DTNB: variants seen among roughly 807,000 people sequenced by gnomAD.
The protein encoded by DTNB is dystrobrevin beta, also known as DTN-B.
A neutral mutation model predicts 90.7 loss-of-function variants in DTNB; 63 were observed. That is an observed-to-expected ratio of 0.69 (90% CI 0.57 to 0.86). DTNB has a LOEUF of 0.86. DTNB is among the 40% of genes least tolerant of loss of function. The probability of loss-of-function intolerance (pLI) is 0.00; values close to 1 mark genes in which losing one functional copy is unlikely to be tolerated. For synonymous variants in DTNB, 277 were observed against 286.7 expected (o/e 0.97, Z 0.34); for missense variants, 744 against 807.1 (o/e 0.92, Z 0.95).
At chr2:25,444,961 G>A (rs1297464320) in intron 12 of DTNB, among the ~76,000 whole-genome samples, 2 of 151,996 alleles carry the variant, frequency 1.3e-5, no homozygotes, top group African/African-American at 4.8e-5. Flanking sequence ...AAGATGAAAG[G>A]GCCCAAACAT....
chr2:25,467,321 CAG>C (rs2061980957), intron 10 of DTNB, among the ~76,000 whole-genome samples: 2 of 131,784 alleles, frequency 1.5e-5, no homozygotes, highest in Non-Finnish European at 3.1e-5. Flanking sequence ...TTTTTTGAGA[CAG>C]AGTCTCACTC....
At chr2:25,445,300 T>C (rs1231702781) in intron 12 of DTNB, among the ~76,000 whole-genome samples, 4 of 152,248 alleles carry the variant, frequency 2.6e-5, no homozygotes, top group African/African-American at 9.6e-5. Context: ...ACTAACCAAA[T>C]AGCACTTTTC....
At position 25,533,105 on chromosome 2, in the gene DTNB, C is replaced by T. The variant is rs186846160; in HGVS notation, c.877-1508G>A. Among the ~76,000 whole-genome samples, 694 of 152,196 alleles carry T rather than the reference C, an allele frequency of 4.6e-3. 4 individuals carry two copies. Among genetic ancestry groups the T allele is most frequent in the Non-Finnish European group, 6.1e-3 (412 of 68,010 alleles). On this transcript the variant is annotated intron_variant, in intron 8 of 20. Transcript: ENST00000406818. ...TTGGGAGGCAGAGGCGGGTGCATCTCTTGAGCCCAGGAGTTTGAGATCAGC... is the reference window on the plus strand; with the variant it reads ...TTGGGAGGCAGAGGCGGGTGCATCTTTTGAGCCCAGGAGTTTGAGATCAGC...
chr2:25,458,544 A>G (rs2060422457), intron 10 of DTNB, among the ~76,000 whole-genome samples: 1 of 150,050 alleles, frequency 6.7e-6, no homozygotes, highest in South Asian at 2.1e-4. Context: ...TCATGGATCA[A>G]TGCAGCCTCA....
At chr2:25,637,413 G>GA (rs1339373486) in intron 3 of DTNB, among the ~76,000 whole-genome samples, 1 of 152,168 alleles carries the variant, frequency 6.6e-6, no homozygotes, top group East Asian at 1.9e-4. Flanking sequence ...CCATCAGAGT[G>GA]AACAGGCAAT....
chr2:25,639,827 T>A (rs571150854), intron 2 of DTNB, among the ~76,000 whole-genome samples: 2 of 152,296 alleles, frequency 1.3e-5, no homozygotes, highest in South Asian at 4.1e-4. Flanking sequence ...TCTTCCGGGA[T>A]GCTTGTGCTG....
intron 12 of DTNB, among the ~76,000 whole-genome samples, chr2:25,448,597 G>A (rs1476174250): frequency 1.3e-5 from 2 of 152,148 alleles, no homozygotes; most frequent in African/African-American, 4.8e-5. Flanking sequence ...GCTCACGCCT[G>A]TAATCCCAGC....
At chr2:25,526,378 TATATATATATATATATA>T (rs1270420956) in intron 9 of DTNB, among the ~76,000 whole-genome samples, 11 of 51,242 alleles carry the variant, frequency 2.1e-4, no homozygotes, top group African/African-American at 1.3e-3. Context: ...TATATATATA[TATATATATATATATATA>T]TTTTTTTTTT....
chr2:25,378,488 T>C (rs1011146498), intron 20 of DTNB, among the ~76,000 whole-genome samples: 2 of 150,336 alleles, frequency 1.3e-5, no homozygotes, highest in Admixed American at 1.3e-4. Flanking sequence ...CTTGGGAGGG[T>C]CTGAAAAAAC....
chr2:25,385,944 G>T (rs968184683), intron 18 of DTNB: 1 of 907,696 alleles, frequency 1.1e-6, no homozygotes, highest in Non-Finnish European at 1.3e-6. Flanking sequence ...CCCATGGCCC[G>T]AAATTCCCTG....
rs374398348 is a variant in DTNB, at chr2:25,379,351, ACT to A, written c.1880-30_1880-29del. ...GTGGCAGCATGGGCAGAAACAACAC[ACT>A]GAGGTCACGGCCAGGTCTTCTCATG... is the stretch of plus-strand genomic sequence containing the variant. On this transcript the variant is annotated intron_variant, in intron 19 of 20. Transcript: ENST00000406818. 2.1e-4 allele frequency: 276 copies of A among 1,312,246 alleles called. 2 individuals are homozygous for A. In the South Asian group the frequency reaches 7.9e-3, roughly 37 times the overall value. The allele number at this position is 1,312,246 out of a possible 1,614,324, so 81.3% of individuals were successfully genotyped here.
At chr2:25,585,510 TCCA>T (rs1422030329) in intron 6 of DTNB, among the ~76,000 whole-genome samples, 7 of 152,130 alleles carry the variant, frequency 4.6e-5, no homozygotes, top group Non-Finnish European at 8.8e-5. Context: ...CTTCCCTTCC[TCCA>T]CCCTTGACTA....
chr2:25,563,957 G>A (rs1298726098), intron 8 of DTNB, among the ~76,000 whole-genome samples: 1 of 152,086 alleles, frequency 6.6e-6, no homozygotes, highest in African/African-American at 2.4e-5. Flanking sequence ...GAGTGCAGTG[G>A]TGCGTGCGAT....
chr2:25,456,334 A>G (rs1368145714), intron 10 of DTNB, among the ~76,000 whole-genome samples: 2 of 152,190 alleles, frequency 1.3e-5, no homozygotes, highest in African/African-American at 4.8e-5. Context: ...GGAATACTTG[A>G]GCCTGTACAT....
intron 16 of DTNB, among the ~76,000 whole-genome samples, chr2:25,402,251 CACG>C (rs2043923536): frequency 6.6e-6 from 1 of 152,038 alleles, no homozygotes; most frequent in Non-Finnish European, 1.5e-5. Context: ...AACCGCCTCA[CACG>C]ACAAGAGTTA....
In DTNB at chr2:25,446,624, T is replaced by C. The variant is rs188259543; in HGVS notation, c.1257+4924A>G. 1.1e-3 allele frequency among the ~76,000 whole-genome samples: 165 copies of C among 152,298 alleles called. 2 individuals are homozygous for C. The highest frequency in any genetic ancestry group is 3.7e-3 in the African/African-American group (154 of 41,570). ...TTGTTTCTGGGGAGAAATCTAGTAG[T>C]GAATCCCTTGTAGATAAAGTAACGT... On this transcript the variant is annotated intron_variant, in intron 12 of 20. Transcript: ENST00000406818.
At chr2:25,635,814 G>A (rs528758986) in intron 3 of DTNB, among the ~76,000 whole-genome samples, 50 of 152,266 alleles carry the variant, frequency 3.3e-4, no homozygotes, top group African/African-American at 7.7e-4. Context: ...AAGAAAAGCC[G>A]AGCAAAGTAG....
At chr2:25,498,658 C>A (rs527485559) in intron 9 of DTNB, among the ~76,000 whole-genome samples, 1 of 151,736 alleles carries the variant, frequency 6.6e-6, no homozygotes, top group South Asian at 2.1e-4. Flanking sequence ...CCAGCCTGGG[C>A]AACATGGTGA....
intron 4 of DTNB, among the ~76,000 whole-genome samples, chr2:25,627,268 T>C (rs1271479901): frequency 1.3e-5 from 2 of 151,906 alleles, no homozygotes; most frequent in East Asian, 3.9e-4. Context: ...CAAAATTAGC[T>C]GGGCGTGGTG....
Sources: gnomAD v4.1 joint callset for allele counts (sites outside exome capture counted in the v4.1 genomes callset) on GRCh38, gnomAD v4.1.1 for gene constraint, MANE v1.5 for transcripts, NCBI Gene and HGNC (gene_info 2026-07-23, HGNC 2026-07-21) for gene names.